The following DMRT1 variants were observed in gnomAD, a reference collection of about 807,000 sequenced individuals.
DMRT1 encodes doublesex and mab-3 related transcription factor 1.
DMRT1 carries 7 observed loss-of-function variants against 32.3 expected under a neutral mutation model. That is an observed-to-expected ratio of 0.22 (90% CI 0.12 to 0.41). The LOEUF is 0.41. DMRT1 is among the 10% of genes least tolerant of loss of function. DMRT1 has a pLI of 1.00. For missense variants in DMRT1, 625 were observed against 500.5 expected, an observed-to-expected ratio of 1.25 and a Z score of -2.37; for synonymous variants, 278 against 206.1, an observed-to-expected ratio of 1.35 and a Z score of -2.99.
chr9:851,418 T>C (rs950200068), intron 2 of DMRT1, among the ~76,000 whole-genome samples: 4 of 147,196 alleles, frequency 2.7e-5, no homozygotes, highest in African/African-American at 7.4e-5. Context: ...TTTGTACTTT[T>C]AGTAGAGACA....
In DMRT1 at chr9:916,897, C is replaced by A. The variant is rs754430358; in HGVS notation, c.957C>A (p.Ala319=). 11 of 1,614,168 alleles carry A rather than the reference C, an allele frequency of 6.8e-6. No homozygotes were observed. The highest frequency in any genetic ancestry group is 1.1e-5 in the South Asian group (1 of 91,072). Residue 319 remains alanine, a synonymous_variant, in exon 4 of 5, where the codon GCC becomes GCA. Transcript: ENST00000382276. ...TFEDAPSYPE[A]RASVFSPPSS... ...AGGATGCTCCCTCTTACCCGGAAGC[C>A]AGGGCGAGCGGTAGGTGTCTGGTCA... is the stretch of plus-strand genomic sequence containing the variant.
chr9:931,375 G>T (rs1465313839), intron 4 of DMRT1, among the ~76,000 whole-genome samples: 1 of 152,202 alleles, frequency 6.6e-6, no homozygotes, highest in Non-Finnish European at 1.5e-5. Context: ...CAAATGTAAT[G>T]AGTAGAACCT....
intron 3 of DMRT1, among the ~76,000 whole-genome samples, chr9:916,309 C>G (rs1818180020): frequency 6.6e-6 from 1 of 151,894 alleles, no homozygotes; most frequent in African/African-American, 2.4e-5. Flanking sequence ...AGGCCCAGTA[C>G]ATTGGAAGAG....
At chr9:892,157 G>A (rs986978494) in intron 2 of DMRT1, among the ~76,000 whole-genome samples, 1 of 152,182 alleles carries the variant, frequency 6.6e-6, no homozygotes, top group Non-Finnish European at 1.5e-5. Context: ...TTCTAGAACT[G>A]TTTGCTTGAT....
intron 2 of DMRT1, among the ~76,000 whole-genome samples, chr9:857,113 G>A (rs375806172): frequency 6.6e-6 from 1 of 152,054 alleles, no homozygotes; most frequent in Non-Finnish European, 1.5e-5. Flanking sequence ...TCAGGAGTTC[G>A]AAACCAGCCA....
chr9:875,704 C>G lies in DMRT1; in HGVS notation c.539-18208C>G, dbSNP rs57670450. 4.2e-4 allele frequency among the ~76,000 whole-genome samples: 64 copies of G among 152,206 alleles called. No homozygotes were observed. The East Asian group carries it at 0.012, about 29-fold the overall frequency. On this transcript the variant is annotated intron_variant, in intron 2 of 4. Transcript: ENST00000382276. ...CAAGCCCAGCATGGCTCTTTGTAGT[C>G]ATTTCTTTCAGTTCAGATTTGATTT... is the stretch of plus-strand genomic sequence containing the variant.
chr9:881,706 C>T (rs768725514), intron 2 of DMRT1, among the ~76,000 whole-genome samples: 40 of 152,170 alleles, frequency 2.6e-4, no homozygotes, highest in Admixed American at 1.4e-3. Flanking sequence ...CCTCAGTGTA[C>T]GAAATATTTA....
At chr9:856,160 A>T (rs923346604) in intron 2 of DMRT1, among the ~76,000 whole-genome samples, 2 of 144,864 alleles carry the variant, frequency 1.4e-5, no homozygotes, top group Admixed American at 6.8e-5. Flanking sequence ...CAAGTGATCC[A>T]CCCGCCTCGG....
intron 4 of DMRT1, among the ~76,000 whole-genome samples, chr9:959,921 T>A (rs966506502): frequency 2.8e-4 from 43 of 152,242 alleles, no homozygotes; most frequent in African/African-American, 1.0e-3. Flanking sequence ...AAGGCTACAT[T>A]CCATTGTTTT....
intron 1 of DMRT1, among the ~76,000 whole-genome samples, chr9:845,224 T>G (rs528547081): frequency 1.3e-5 from 2 of 152,016 alleles, no homozygotes; most frequent in African/African-American, 4.8e-5. Context: ...TTATTTATTT[T>G]TTTGAGACGG....
chr9:921,910 C>T (rs1818366338), intron 4 of DMRT1, among the ~76,000 whole-genome samples: 3 of 152,280 alleles, frequency 2.0e-5, no homozygotes, highest in African/African-American at 4.8e-5. Context: ...CACAGCCCTC[C>T]AGCTCTGTAG....
At chr9:915,922 A>G (rs1490268553) in intron 3 of DMRT1, among the ~76,000 whole-genome samples, 1 of 151,862 alleles carries the variant, frequency 6.6e-6, no homozygotes, top group African/African-American at 2.4e-5. Context: ...TTTAGGAGAG[A>G]TGGGGTTTCA....
intron 4 of DMRT1, among the ~76,000 whole-genome samples, chr9:925,180 C>T (rs549430558): frequency 2.0e-5 from 3 of 152,286 alleles, no homozygotes; most frequent in Non-Finnish European, 2.9e-5. Context: ...TGCCTGGCAT[C>T]GTGCAGTGTT....
At chr9:879,771 C>G (rs1415200008) in intron 2 of DMRT1, among the ~76,000 whole-genome samples, 1 of 152,144 alleles carries the variant, frequency 6.6e-6, no homozygotes, top group Non-Finnish European at 1.5e-5. Flanking sequence ...GTGGTATGGC[C>G]ATAGACTCTC....
At chr9:861,627 A>C (rs1815680133) in intron 2 of DMRT1, among the ~76,000 whole-genome samples, 1 of 149,660 alleles carries the variant, frequency 6.7e-6, no homozygotes, top group South Asian at 2.1e-4. Context: ...CTCACTTCCC[A>C]GAAGGGGCAG....
intron 4 of DMRT1, among the ~76,000 whole-genome samples, chr9:956,890 A>T (rs368769543): frequency 6.6e-6 from 1 of 152,184 alleles, no homozygotes; most frequent in Non-Finnish European, 1.5e-5. Context: ...AAAGTCTACA[A>T]TTAAGTTTGG....
chr9:923,668 A>T (rs925220003), intron 4 of DMRT1, among the ~76,000 whole-genome samples: 1 of 152,014 alleles, frequency 6.6e-6, no homozygotes, highest in African/African-American at 2.4e-5. Context: ...CACGAAGGAG[A>T]GTGGGGCAAA....
At chr9:897,104 AT>A (rs1197892045) in intron 3 of DMRT1, among the ~76,000 whole-genome samples, 34 of 147,986 alleles carry the variant, frequency 2.3e-4, no homozygotes, top group Non-Finnish European at 4.6e-4. Context: ...TATTATTATT[AT>A]TATTATTATT....
At chr9:939,061 G>A (rs1564264795) in intron 4 of DMRT1, among the ~76,000 whole-genome samples, 1 of 152,182 alleles carries the variant, frequency 6.6e-6, no homozygotes, top group Non-Finnish European at 1.5e-5. Flanking sequence ...TAGCCTTCTA[G>A]GGCTACCTTA....
Sources: gnomAD v4.1 joint callset for allele counts (sites outside exome capture counted in the v4.1 genomes callset) on GRCh38, gnomAD v4.1.1 for gene constraint, MANE v1.5 for transcripts, NCBI Gene and HGNC (gene_info 2026-07-23, HGNC 2026-07-21) for gene names.